The following NLRP12 variants were observed in gnomAD, a reference collection of about 807,000 sequenced individuals.
NLRP12 encodes the protein NACHT, LRR and PYD domains-containing protein 12.
In NLRP12, 108 loss-of-function variants were observed where a neutral mutation model predicts 91.2. That is an observed-to-expected ratio of 1.18 (90% CI 1.01 to 1.39). The LOEUF (loss-of-function observed/expected upper bound fraction) is 1.39, where lower values mean the gene tolerates loss of function less well. NLRP12 is among the 40% of genes most tolerant of loss of function. The pLI is 0.00. For synonymous variants in NLRP12, 613 were observed against 566.7 expected (o/e 1.08, Z -1.16); for missense variants, 1,530 against 1,352.7 (o/e 1.13, Z -2.06).
intron 1 of NLRP12, among the ~76,000 whole-genome samples, chr19:53,820,583 C>G (rs1269841391): frequency 6.6e-6 from 1 of 152,116 alleles, no homozygotes; most frequent in African/African-American, 2.4e-5. Flanking sequence ...GTGGTGCACA[C>G]CTGTAGTTCC....
chr19:53,810,336 A>T lies in NLRP12; in HGVS notation c.1323T>A (p.Ser441Arg), dbSNP rs1322755474. Residue 441 changes from serine to arginine, a missense_variant, in exon 3 of 10, where the codon AGT becomes AGA. Physicochemically the swap from Ser to Arg is moderately radical, Grantham distance 110. Coordinates refer to ENST00000324134, the MANE Select transcript of NLRP12 (RefSeq NM_144687.4). Reference protein sequence around the residue: ...TTAVYMLYLLSLMQPKPGAPR... With the variant: ...TTAVYMLYLLRLMQPKPGAPR... ...GGGCCCCCGGCTTGGGTTGCATCAG[A>T]CTCAGCAGGTAGAGCATGTACACTG... 6.2e-7 allele frequency: 1 copy of T among 1,613,468 alleles called. No individual in the cohort carries two copies. The highest frequency in any genetic ancestry group is 1.1e-5 in the South Asian group (1 of 91,078).
chr19:53,800,586 CCTT>C (rs1385602399), intron 7 of NLRP12, among the ~76,000 whole-genome samples: 1 of 122,986 alleles, frequency 8.1e-6, no homozygotes, highest in Non-Finnish European at 1.7e-5. Flanking sequence ...AAAACCCCCC[CCTT>C]TTTTTTTTTT....
Position 53,810,993 on chromosome 19 carries a change from G to C in NLRP12, c.666C>G (p.Gly222=). 6.2e-7 allele frequency: 1 copy of C among 1,614,162 alleles called. No individual in the cohort carries two copies. The highest frequency in any genetic ancestry group is 8.5e-7 in the Non-Finnish European group (1 of 1,180,016). ...TVVMQGAAGI[G]KSMLAHKVML... ...TCACCTTGTGTGCCAGCATGGACTT[G>C]CCTATCCCTGCCGCGCCTTGCATGA... The change falls in exon 3 of 10, where the codon GGC becomes GGG. Residue 222 remains glycine, a synonymous_variant. Coordinates refer to ENST00000324134, the MANE Select transcript of NLRP12 (RefSeq NM_144687.4).
In NLRP12 at chr19:53,805,487, C is replaced by A. The variant is rs762438952; in HGVS notation, c.2244-37G>T. ...AAGAGGAGAAAGGAGCTGGTCATTT[C>A]TTTTGCTCCAGTTTTGTGGATTATT... On this transcript the variant is annotated intron_variant, in intron 4 of 9. Transcript: ENST00000324134. 1.0e-5 allele frequency: 16 copies of A among 1,579,856 alleles called. No homozygotes were observed. In the Admixed American group the frequency reaches 1.9e-4, roughly 18 times the overall value.
At chr19:53,813,967 A>G (rs1229181633) in intron 2 of NLRP12, among the ~76,000 whole-genome samples, 1 of 151,672 alleles carries the variant, frequency 6.6e-6, no homozygotes, top group African/African-American at 2.4e-5. Flanking sequence ...CACCTTGCTC[A>G]GCTGGTGAAC....
chr19:53,793,963 G>T lies in NLRP12; in HGVS notation c.*86C>A. On this transcript the variant is annotated 3_prime_UTR_variant, in exon 10 of 10. Coordinates refer to ENST00000324134, the MANE Select transcript of NLRP12 (RefSeq NM_144687.4). Reference sequence around the variant, plus strand: ...TGCATGAGTCTGTCTCTAGGAAGGAGGCTGATCATTATGCTGGGGGGGTGA... The same window carrying T: ...TGCATGAGTCTGTCTCTAGGAAGGATGCTGATCATTATGCTGGGGGGGTGA... 1.1e-6 allele frequency: 1 copy of T among 915,200 alleles called. No homozygotes were observed. Among genetic ancestry groups the T allele is most frequent in the Non-Finnish European group, 1.8e-6 (1 of 543,052 alleles). 56.7% of individuals were successfully genotyped at this position (915,200 alleles called of 1,614,324 possible).
chr19:53,823,449 AAT>A (rs1555799952), intron 1 of NLRP12, among the ~76,000 whole-genome samples: 2 of 43,220 alleles, frequency 4.6e-5, no homozygotes, highest in African/African-American at 1.8e-4. Flanking sequence ...ATATGTTTTA[AAT>A]ATATATTTTA....
In NLRP12 at chr19:53,805,418, C is replaced by T. The variant is rs187043374; in HGVS notation, c.2276G>A (p.Cys759Tyr). 1 of 1,613,958 alleles carries T rather than the reference C, an allele frequency of 6.2e-7. No homozygotes were observed. The highest frequency in any genetic ancestry group is 1.7e-5 in the Admixed American group (1 of 59,968). Residue 759 changes from cysteine (C) to tyrosine (Y), a missense_variant, in exon 5 of 10, where the codon TGC (cysteine) becomes TAC (tyrosine). By Grantham distance (194) the Cys-to-Tyr change is radical (BLOSUM62 -2). Transcript: ENST00000324134. ...LKRCRISSSA[C>Y]EDLSAALIAN... ...TATGAGAGCTGCAGAGAGGTCCTCG[C>T]AGGCTGAGCTGGAGATGCGGCACCT...
intron 9 of NLRP12, among the ~76,000 whole-genome samples, chr19:53,795,597 A>G (rs1187514713): frequency 1.3e-5 from 2 of 150,594 alleles, no homozygotes. Context: ...GATGGTCTCG[A>G]TCTCCTGACC....
chr19:53,795,174 A>G (rs1313976255), intron 9 of NLRP12, among the ~76,000 whole-genome samples: 1 of 151,370 alleles, frequency 6.6e-6, no homozygotes, highest in East Asian at 1.9e-4. Context: ...CTGTCAAAGT[A>G]CTGGGATTAC....
chr19:53,796,368 C>CAG (rs2091760196), intron 8 of NLRP12, among the ~76,000 whole-genome samples: 1 of 131,370 alleles, frequency 7.6e-6, no homozygotes, highest in Non-Finnish European at 1.7e-5. Context: ...TCTCCTGCCT[C>CAG]AGCCTCCCCA....
chr19:53,806,507 C>T (rs1360147986), intron 4 of NLRP12, among the ~76,000 whole-genome samples: 1 of 151,538 alleles, frequency 6.6e-6, no homozygotes, highest in Non-Finnish European at 1.5e-5. Context: ...TGGTGAAACC[C>T]CGTCTCTACT....
At chr19:53,823,497 TATTTAAAA>T (rs2092298589) in intron 1 of NLRP12, among the ~76,000 whole-genome samples, 1 of 56,108 alleles carries the variant, frequency 1.8e-5, no homozygotes, top group Non-Finnish European at 3.5e-5. Context: ...AAAATATATT[TATTTAAAA>T]TATATATTTA....
chr19:53,796,885 T>G (rs557311491), intron 8 of NLRP12, among the ~76,000 whole-genome samples: 1,123 of 103,050 alleles, frequency 0.011, 20 homozygotes, highest in African/African-American at 0.041. Flanking sequence ...TCCCAGCTAC[T>G]CGGGAGGCTG....
At chr19:53,822,395 T>A (rs2092273983) in intron 1 of NLRP12, among the ~76,000 whole-genome samples, 1 of 151,618 alleles carries the variant, frequency 6.6e-6, no homozygotes, top group African/African-American at 2.4e-5. Context: ...AGGTGGAAGC[T>A]CGCTTGAGCC....
rs776759910 is a variant in NLRP12, at chr19:53,810,120, G to A, written c.1539C>T (p.Ile513=). Residue 513 remains isoleucine, a synonymous_variant, in exon 3 of 10, where the codon ATC becomes ATT. Transcript: ENST00000324134. The part of the protein sequence containing the change: ...DINCERYYSF[I]HLSFQEFFAA... ...CAAAGAATTCCTGGAAACTCAAGTGGATGAAGCTGTAGTACCTCTCACAGT... is the reference window on the plus strand; with the variant it reads ...CAAAGAATTCCTGGAAACTCAAGTGAATGAAGCTGTAGTACCTCTCACAGT... 6.2e-7 allele frequency: 1 copy of A among 1,614,202 alleles called. No homozygotes were observed. The highest frequency in any genetic ancestry group is 8.5e-7 in the Non-Finnish European group (1 of 1,180,022).
At chr19:53,797,415 G>A (rs554739240) in intron 8 of NLRP12, among the ~76,000 whole-genome samples, 2 of 150,104 alleles carry the variant, frequency 1.3e-5, no homozygotes, top group Admixed American at 1.3e-4. Context: ...GAGCCACTGT[G>A]CCCGGCCTGA....
intron 2 of NLRP12, among the ~76,000 whole-genome samples, chr19:53,814,650 C>T (rs1005795375): frequency 6.6e-6 from 1 of 152,152 alleles, no homozygotes; most frequent in Non-Finnish European, 1.5e-5. Context: ...TGTACCTGGC[C>T]TCTTAGCCTT....
At chr19:53,798,683 T>G (rs966273361) in intron 7 of NLRP12, among the ~76,000 whole-genome samples, 1 of 152,136 alleles carries the variant, frequency 6.6e-6, no homozygotes, top group Non-Finnish European at 1.5e-5. Context: ...CTGGAGGGTT[T>G]TTTGAGGTCA....
Sources: allele counts gnomAD v4.1 joint callset (sites outside exome capture counted in the v4.1 genomes callset), GRCh38; gene constraint gnomAD v4.1.1; transcripts MANE v1.5; gene names NCBI Gene and HGNC (gene_info 2026-07-23, HGNC 2026-07-21).